Variants in CACNA2D3 observed in about 807,000 individuals in gnomAD.
CACNA2D3 encodes voltage-dependent calcium channel subunit alpha-2/delta-3.
In CACNA2D3, 60 loss-of-function variants were observed where a neutral mutation model predicts 160.6. That is an observed-to-expected ratio of 0.37 (90% confidence interval 0.30 to 0.46). The LOEUF is 0.46. CACNA2D3 is among the 20% of genes least tolerant of loss of function. CACNA2D3 has a pLI of 1.00. For missense variants in CACNA2D3, 1,205 were observed against 1,365.0 expected, an observed-to-expected ratio of 0.88 and a Z score of 1.85; for synonymous variants, 558 against 492.9, an observed-to-expected ratio of 1.13 and a Z score of -1.75.
chr3:54,681,950 T>C (rs667671), intron 11 of CACNA2D3, among the ~76,000 whole-genome samples: 42,883 of 152,038 alleles, frequency 0.28, 7,414 homozygotes, highest in East Asian at 0.46. Context: ...CTCAAAGTGC[T>C]GGGATTACAG....
At chr3:54,417,712 A>C (rs1699776078) in intron 4 of CACNA2D3, among the ~76,000 whole-genome samples, 1 of 150,270 alleles carries the variant, frequency 6.7e-6, no homozygotes, top group Non-Finnish European at 1.5e-5. Context: ...TGGATCATTC[A>C]CACACAGATC....
At chr3:54,627,321 C>A (rs976303792) in intron 9 of CACNA2D3, among the ~76,000 whole-genome samples, 1 of 152,028 alleles carries the variant, frequency 6.6e-6, no homozygotes, top group African/African-American at 2.4e-5. Context: ...TCTGAGAATA[C>A]GTCATGCGGT....
intron 35 of CACNA2D3, among the ~76,000 whole-genome samples, chr3:55,072,570 C>CTAT (rs1296613379): frequency 1.3e-5 from 2 of 152,214 alleles, no homozygotes; most frequent in Non-Finnish European, 2.9e-5. Context: ...AAGTTAAAAT[C>CTAT]TATTAAACTG....
intron 17 of CACNA2D3, among the ~76,000 whole-genome samples, chr3:54,848,094 C>T (rs895435058): frequency 6.6e-6 from 1 of 152,320 alleles, no homozygotes; most frequent in African/African-American, 2.4e-5. Context: ...GCCACACAGT[C>T]GACTCACAAT....
intron 27 of CACNA2D3, among the ~76,000 whole-genome samples, chr3:54,912,424 A>G (rs748965320): frequency 2.0e-5 from 3 of 151,986 alleles, no homozygotes; most frequent in Non-Finnish European, 2.9e-5. Flanking sequence ...ATTACCCTCT[A>G]ATCTCAGCTC....
intron 13 of CACNA2D3, among the ~76,000 whole-genome samples, chr3:54,797,975 T>A (rs76387541): frequency 2.2e-4 from 34 of 152,214 alleles, no homozygotes; most frequent in Non-Finnish European, 4.3e-4. Context: ...CTTTGTAATA[T>A]TATATTTCAT....
chr3:54,564,233 C>A (rs1278601343), intron 6 of CACNA2D3, among the ~76,000 whole-genome samples: 2 of 152,200 alleles, frequency 1.3e-5, no homozygotes, highest in East Asian at 3.8e-4. Flanking sequence ...TCTCCTCCAA[C>A]AGGGAGTCCT....
In CACNA2D3 at chr3:54,512,887, G is replaced by A. The variant is rs1431901727; in HGVS notation, c.544+9233G>A. On this transcript the variant is annotated intron_variant, in intron 5 of 37. Transcript: ENST00000474759. ...CTTACAGTTCCACATGGCTGGGGAG[G>A]CCTCACAGTCATGGCGGAAGGCAAG... 2.6e-5 allele frequency among the ~76,000 whole-genome samples: 4 copies of A among 152,314 alleles called. No homozygotes were observed. In the East Asian group the frequency reaches 7.7e-4, roughly 29 times the overall value.
chr3:54,646,126 TCTTCCTTC>T lies in CACNA2D3; in HGVS notation c.1167+3903_1167+3910del, dbSNP rs375699594. 2.2e-3 allele frequency among the ~76,000 whole-genome samples: 131 copies of T among 60,234 alleles called. 11 individuals carry two copies. Among genetic ancestry groups the T allele is most frequent in the Middle Eastern group, 0.01 (1 of 98 alleles). 39.5% of individuals were successfully genotyped at this position (60,234 alleles called of 152,430 possible). ...GTTTTCCTTCCTTCCTTCCTTCCTTTCTTCCTTCCTTCCTTCCTTCCTTCCCTCCCTCC... is the reference window on the plus strand; with the variant it reads ...GTTTTCCTTCCTTCCTTCCTTCCTTTCTTCCTTCCTTCCTTCCCTCCCTCC... On this transcript the variant is annotated intron_variant, in intron 11 of 37. Transcript: ENST00000474759.
At chr3:54,351,199 C>G (rs1434836058) in intron 3 of CACNA2D3, among the ~76,000 whole-genome samples, 1 of 151,710 alleles carries the variant, frequency 6.6e-6, no homozygotes, top group African/African-American at 2.4e-5. Context: ...CCAGGCTGGT[C>G]TCGAACTCCT....
At chr3:54,663,417 C>T (rs1700006281) in intron 11 of CACNA2D3, among the ~76,000 whole-genome samples, 1 of 152,166 alleles carries the variant, frequency 6.6e-6, no homozygotes, top group African/African-American at 2.4e-5. Flanking sequence ...CTGGGCCTCT[C>T]AGTTATGTAT....
chr3:54,376,003 T>A (rs1177329306), intron 3 of CACNA2D3, among the ~76,000 whole-genome samples: 2 of 152,044 alleles, frequency 1.3e-5, no homozygotes, highest in African/African-American at 2.4e-5. Flanking sequence ...CTGTTCCAGG[T>A]TTATCCTTTT....
chr3:54,251,811 G>T (rs1462236717), intron 2 of CACNA2D3, among the ~76,000 whole-genome samples: 1 of 152,214 alleles, frequency 6.6e-6, no homozygotes, highest in African/African-American at 2.4e-5. Flanking sequence ...CTGGTTCCCA[G>T]AGGCTAGTTA....
chr3:54,894,565 T>C (rs1430901700), intron 25 of CACNA2D3: 1 of 508,844 alleles, frequency 2.0e-6, no homozygotes, highest in African/African-American at 1.9e-5. Context: ...CATTAACCTG[T>C]GCTGCATAGA....
At chr3:54,553,428 G>A (rs1006447102) in intron 5 of CACNA2D3, among the ~76,000 whole-genome samples, 2 of 152,156 alleles carry the variant, frequency 1.3e-5, no homozygotes, top group African/African-American at 4.8e-5. Context: ...AGGCTCCCCT[G>A]CCTGCTATAA....
At chr3:54,899,968 T>G (rs1700288908) in intron 27 of CACNA2D3, 100 bp downstream of exon 27, 1 of 821,952 alleles carries the variant, frequency 1.2e-6, no homozygotes, top group Admixed American at 2.4e-5. Context: ...TCCAAAAAGG[T>G]TTTCAAAGGA....
chr3:54,527,101 T>C (rs1218181059), intron 5 of CACNA2D3, among the ~76,000 whole-genome samples: 1 of 152,238 alleles, frequency 6.6e-6, no homozygotes, highest in Non-Finnish European at 1.5e-5. Flanking sequence ...TGAAGGGATA[T>C]TTCCCAAGGC....
At chr3:54,921,945 T>G (rs1237176833) in intron 27 of CACNA2D3, among the ~76,000 whole-genome samples, 2 of 148,942 alleles carry the variant, frequency 1.3e-5, no homozygotes, top group Non-Finnish European at 3.0e-5. Flanking sequence ...CTCATATCTG[T>G]TCCCTTATTT....
chr3:54,623,949 G>T (rs1473902310), intron 9 of CACNA2D3, among the ~76,000 whole-genome samples: 2 of 152,148 alleles, frequency 1.3e-5, no homozygotes, highest in African/African-American at 2.4e-5. Flanking sequence ...GTGTAGGAGA[G>T]TTGGGCAGAG....
Sources: gnomAD v4.1 joint callset for allele counts (sites outside exome capture counted in the v4.1 genomes callset) on GRCh38, gnomAD v4.1.1 for gene constraint, MANE v1.5 for transcripts, NCBI Gene and HGNC (gene_info 2026-07-23, HGNC 2026-07-21) for gene names.